The following CATSPERG variants were observed in gnomAD, a reference collection of about 807,000 sequenced individuals.
The protein encoded by CATSPERG is catsper channel auxiliary subunit gamma, also known as cation channel sperm-associated auxiliary subunit gamma.
In CATSPERG, 115 loss-of-function variants were observed where a neutral mutation model predicts 145.0. The ratio of observed to expected loss-of-function variants is 0.79; its 90% CI spans 0.68 to 0.93. The LOEUF is 0.93. Ranked by LOEUF, CATSPERG falls within the 40% of genes least tolerant of loss-of-function variation. The pLI is 0.00. For missense variants in CATSPERG, 1,296 were observed against 1,490.1 expected (o/e 0.87, Z 2.14); for synonymous variants, 588 against 589.0 (o/e 1.00, Z 0.02).
intron 3 of CATSPERG, among the ~76,000 whole-genome samples, chr19:38,342,148 G>A (rs1023022520): frequency 2.0e-5 from 3 of 150,510 alleles, no homozygotes; most frequent in Admixed American, 1.3e-4. Flanking sequence ...GGCTAAGGCT[G>A]GAGGATTGCT....
At chr19:38,361,346 G>A (rs758210201) in intron 16 of CATSPERG, among the ~76,000 whole-genome samples, 2 of 152,148 alleles carry the variant, frequency 1.3e-5, no homozygotes, top group African/African-American at 2.4e-5. Flanking sequence ...CTGGAGTCGG[G>A]ACAGGGAAGG....
At chr19:38,345,437 C>A (rs1352443075) in intron 6 of CATSPERG, among the ~76,000 whole-genome samples, 1 of 152,032 alleles carries the variant, frequency 6.6e-6, no homozygotes, top group African/African-American at 2.4e-5. Context: ...AAGTGATCCG[C>A]CTACCTCGGT....
chr19:38,338,222 C>A (rs1393676134), intron 3 of CATSPERG, among the ~76,000 whole-genome samples: 4 of 152,102 alleles, frequency 2.6e-5, no homozygotes, highest in Non-Finnish European at 5.9e-5. Flanking sequence ...GATCTCGGCT[C>A]ACTGCAAGCT....
intron 10 of CATSPERG, 36 bp from the exon 11 acceptor site, chr19:38,356,706 C>T (rs1356759853): frequency 6.2e-7 from 1 of 1,612,128 alleles, no homozygotes; most frequent in Non-Finnish European, 8.5e-7. Context: ...GCTATTGAGC[C>T]CTGGGGCGGC....
At position 38,370,716 on chromosome 19, in the gene CATSPERG, G is replaced by T; in HGVS notation, c.3404G>T (p.Gly1135Val). The change falls in exon 29 of 29, where the codon GGC becomes GTC. Residue 1135 changes from glycine (G) to valine (V), a missense_variant. Coordinates refer to ENST00000409235, the MANE Select transcript of CATSPERG (RefSeq NM_021185.5). ...SMPSLRHSRMGSMFSSRMTED... is the reference protein window; with the variant it reads ...SMPSLRHSRMVSMFSSRMTED... Reference sequence around the variant, plus strand: ...CCGTCTCTGAGACATTCCAGGATGGGCTCCATGTTCAGCTCCAGGATGACA... The same window carrying T: ...CCGTCTCTGAGACATTCCAGGATGGTCTCCATGTTCAGCTCCAGGATGACA... The T allele has an allele frequency of 6.2e-7, 1 of 1,613,992 alleles. No homozygotes were observed. Among genetic ancestry groups the T allele is most frequent in the Non-Finnish European group, 8.5e-7 (1 of 1,179,986 alleles).
At chr19:38,369,153 CAGTA>C (rs1449033123) in intron 26 of CATSPERG, among the ~76,000 whole-genome samples, 2 of 152,014 alleles carry the variant, frequency 1.3e-5, no homozygotes, top group African/African-American at 4.8e-5. Context: ...TATAGGGGCT[CAGTA>C]AGTTTCATTC....
intron 9 of CATSPERG, among the ~76,000 whole-genome samples, chr19:38,356,153 G>A (rs1021147801): frequency 6.6e-6 from 1 of 152,112 alleles, no homozygotes; most frequent in Non-Finnish European, 1.5e-5. Context: ...GCCCCTTAAA[G>A]CTTCAGACTC....
chr19:38,368,211 C>T (rs1970489080), intron 26 of CATSPERG, 74 bp downstream of exon 26: 1 of 1,301,888 alleles, frequency 7.7e-7, no homozygotes, highest in Non-Finnish European at 1.1e-6. Flanking sequence ...CTTTCTGCCC[C>T]TAGGAGGCCT....
At chr19:38,342,903 A>G (rs140987230) in intron 3 of CATSPERG, among the ~76,000 whole-genome samples, 16 of 152,184 alleles carry the variant, frequency 1.1e-4, no homozygotes, top group African/African-American at 3.9e-4. Flanking sequence ...TTGTCCAGGC[A>G]TGCCCTGTCA....
chr19:38,344,214 A>G, intron 5 of CATSPERG, 82 bp from the exon 6 acceptor site: 1 of 1,539,712 alleles, frequency 6.5e-7, no homozygotes, highest in Non-Finnish European at 8.8e-7. Context: ...AAGGGAGAGA[A>G]TGGGGAGAGG....
At chr19:38,353,711 A>G (rs547286127) in intron 8 of CATSPERG, among the ~76,000 whole-genome samples, 30 of 148,444 alleles carry the variant, frequency 2.0e-4, no homozygotes, top group South Asian at 6.4e-4. Context: ...AAAAAAAAAA[A>G]AAAGAAAAAG....
At position 38,370,462 on chromosome 19, in the gene CATSPERG, T is replaced by C. The variant is rs956601352; in HGVS notation, c.3214-64T>C. The C allele has an allele frequency of 3.1e-6, 5 of 1,594,534 alleles. No individual in the cohort carries two copies. In the African/African-American group the frequency reaches 6.7e-5, roughly 21 times the overall value. ...CTGTCAATTTCCCTGTCACTGTGGA[T>C]GCAGATTGTGGACTGTGTACCTTAT... On this transcript the variant is annotated intron_variant, in intron 28 of 28. Transcript: ENST00000409235.
chr19:38,356,604 C>A, intron 10 of CATSPERG, 61 bp downstream of exon 10: 1 of 1,596,000 alleles, frequency 6.3e-7, no homozygotes. Flanking sequence ...TGCAGAAGAG[C>A]AGGGGAGGGT....
rs1468706245 is a variant in CATSPERG at position 38,337,218 on chromosome 19, C to T, written c.-14-3C>T. The T allele has an allele frequency of 6.5e-7, 1 of 1,549,566 alleles. No homozygotes were observed. The highest frequency in any genetic ancestry group is 8.7e-7 in the Non-Finnish European group (1 of 1,145,986). On this transcript the variant is annotated splice_polypyrimidine_tract_variant and splice_region_variant and intron_variant, in intron 1 of 28. Transcript: ENST00000409235. ...CGTGGGTGTTGACTCCTGCGTTCTC[C>T]AGGTTCTAGCCACGTTATGTGCGGC...
intron 8 of CATSPERG, among the ~76,000 whole-genome samples, chr19:38,352,687 G>A (rs752803780): frequency 3.3e-5 from 5 of 149,338 alleles, no homozygotes; most frequent in Non-Finnish European, 7.4e-5. Flanking sequence ...GGGGGTGCGA[G>A]AGTAAAGGGA....
intron 6 of CATSPERG, among the ~76,000 whole-genome samples, chr19:38,344,594 C>G (rs1230438963): frequency 6.6e-6 from 1 of 151,998 alleles, no homozygotes; most frequent in African/African-American, 2.4e-5. Context: ...GAACCATTTT[C>G]CCATAGTCCC....
Position 38,364,956 on chromosome 19 carries a change from T to A in CATSPERG, c.2541T>A (p.Thr847=), listed in dbSNP as rs776569835. ...QGISGHHLME[T]SMTVNVVGSS... ...TTAGTGGACATCACCTTATGGAGAC[T>A]TCCATGACGGTCAATGTGAGGTCCA... Residue 847 remains threonine, a synonymous_variant, in exon 21 of 29, where the codon ACT becomes ACA. Coordinates refer to ENST00000409235, the MANE Select transcript of CATSPERG (RefSeq NM_021185.5). 1 of 1,613,822 alleles carries A rather than the reference T, an allele frequency of 6.2e-7. No individual in the cohort carries two copies. Among genetic ancestry groups the A allele is most frequent in the African/African-American group, 1.3e-5 (1 of 74,930 alleles).
chr19:38,354,445 C>T (rs1474027315), intron 8 of CATSPERG, among the ~76,000 whole-genome samples: 3 of 152,210 alleles, frequency 2.0e-5, no homozygotes, highest in Non-Finnish European at 2.9e-5. Context: ...ATTTGGCCGG[C>T]TTGGTCACAT....
At chr19:38,357,690 G>A (rs998828937) in intron 11 of CATSPERG, among the ~76,000 whole-genome samples, 2 of 151,800 alleles carry the variant, frequency 1.3e-5, no homozygotes, top group African/African-American at 4.8e-5. Context: ...GGCGGCTCAC[G>A]CCTGTAATCC....
Sources: allele counts gnomAD v4.1 joint callset (sites outside exome capture counted in the v4.1 genomes callset), GRCh38; gene constraint gnomAD v4.1.1; transcripts MANE v1.5; gene names NCBI Gene and HGNC (gene_info 2026-07-23, HGNC 2026-07-21).